The following ASTN2 variants were observed in gnomAD, a reference collection of about 807,000 sequenced individuals.
ASTN2 encodes astrotactin-2.
In ASTN2, 54 loss-of-function variants were observed where a neutral mutation model predicts 139.8. That is an observed-to-expected ratio of 0.39 (90% CI 0.31 to 0.48). ASTN2 has a LOEUF of 0.48. ASTN2 is among the 20% of genes least tolerant of loss of function. The pLI, the probability that ASTN2 is intolerant of heterozygous loss-of-function variation, is 0.95. For synonymous variants in ASTN2, 756 were observed against 719.5 expected (o/e 1.05, Z -0.81); for missense variants, 1,565 against 1,725.1 (o/e 0.91, Z 1.64).
chr9:117,371,780 C>T (rs1303595497), intron 1 of ASTN2, among the ~76,000 whole-genome samples: 1 of 151,998 alleles, frequency 6.6e-6, no homozygotes, highest in African/African-American at 2.4e-5. Context: ...ATTTAGGATG[C>T]TAAATTAAGG....
At chr9:117,222,761 A>G (rs1832568187) in intron 2 of ASTN2, among the ~76,000 whole-genome samples, 1 of 152,112 alleles carries the variant, frequency 6.6e-6, no homozygotes, top group Non-Finnish European at 1.5e-5. Flanking sequence ...CTGCACTCCC[A>G]CAGCGCTTCG....
chr9:117,215,723 C>A (rs922042809), intron 2 of ASTN2, among the ~76,000 whole-genome samples: 3 of 152,110 alleles, frequency 2.0e-5, no homozygotes, highest in Non-Finnish European at 4.4e-5. Flanking sequence ...GGCCTCCCCT[C>A]AATTGTTCTG....
At chr9:116,772,371 C>A (rs1370249706) in intron 13 of ASTN2, among the ~76,000 whole-genome samples, 2 of 152,158 alleles carry the variant, frequency 1.3e-5, no homozygotes, top group East Asian at 3.9e-4. Context: ...TGCCTGCCAC[C>A]ATGTAAGACG....
chr9:116,984,631 A>C (rs984684024), intron 7 of ASTN2, among the ~76,000 whole-genome samples: 3 of 152,206 alleles, frequency 2.0e-5, no homozygotes, highest in African/African-American at 4.8e-5. Flanking sequence ...GGAGAGACTA[A>C]AGTAAGAGGG....
intron 17 of ASTN2, among the ~76,000 whole-genome samples, chr9:116,646,435 A>G (rs1463781019): frequency 6.6e-6 from 1 of 152,164 alleles, no homozygotes; most frequent in Admixed American, 6.6e-5. Context: ...TGGAAAAGTC[A>G]TGGGAGGAAG....
chr9:116,489,602 G>A (rs1335333443), intron 19 of ASTN2, among the ~76,000 whole-genome samples: 4 of 152,186 alleles, frequency 2.6e-5, no homozygotes, highest in South Asian at 2.1e-4. Context: ...TTATAGGCAT[G>A]AGTCACTGTG....
intron 10 of ASTN2, among the ~76,000 whole-genome samples, chr9:116,873,336 C>A (rs987198841): frequency 1.3e-5 from 2 of 152,200 alleles, no homozygotes; most frequent in Non-Finnish European, 2.9e-5. Flanking sequence ...TGAGGTGGCA[C>A]AAGCCACAGG....
intron 13 of ASTN2, among the ~76,000 whole-genome samples, chr9:116,766,484 C>T (rs1047565316): frequency 6.6e-6 from 1 of 151,698 alleles, no homozygotes; most frequent in Non-Finnish European, 1.5e-5. Context: ...ACATCACACA[C>T]ACAAGCACAC....
intron 12 of ASTN2, among the ~76,000 whole-genome samples, chr9:116,819,369 A>ATACCCTAAT (rs1468406458): frequency 6.6e-6 from 1 of 152,156 alleles, no homozygotes; most frequent in Non-Finnish European, 1.5e-5. Flanking sequence ...TCAGGTCTGC[A>ATACCCTAAT]TACCCTAATT....
At position 117,300,371 on chromosome 9, in the gene ASTN2, T is replaced by C. The variant is rs115297202; in HGVS notation, c.443-8858A>G. Reference sequence around the variant, plus strand: ...GATGCCTGTCTAGGACATTACAGTCTTCATTATTTAGCATGCTGCAGGTGT... The same window carrying C: ...GATGCCTGTCTAGGACATTACAGTCCTCATTATTTAGCATGCTGCAGGTGT... On this transcript the variant is annotated intron_variant, in intron 1 of 22. Coordinates refer to ENST00000313400, the MANE Select transcript of ASTN2 (RefSeq NM_001365068.1). Among the ~76,000 whole-genome samples, 1,249 of 152,338 alleles carry C rather than the reference T, an allele frequency of 8.2e-3. 14 individuals are homozygous for C. Among genetic ancestry groups the C allele is most frequent in the African/African-American group, 0.028 (1,171 of 41,574 alleles).
At chr9:116,593,420 T>C (rs1473449034) in intron 19 of ASTN2, among the ~76,000 whole-genome samples, 2 of 152,248 alleles carry the variant, frequency 1.3e-5, no homozygotes, top group African/African-American at 4.8e-5. Flanking sequence ...ATTCTCCACA[T>C]GTATGTTAAA....
intron 22 of ASTN2, among the ~76,000 whole-genome samples, chr9:116,435,927 A>G (rs1346112330): frequency 6.6e-6 from 1 of 152,082 alleles, no homozygotes; most frequent in Non-Finnish European, 1.5e-5. Context: ...TCAATTTGGA[A>G]TGTAACAAGT....
At chr9:116,671,568 T>G (rs1188219502) in intron 16 of ASTN2, among the ~76,000 whole-genome samples, 1 of 152,166 alleles carries the variant, frequency 6.6e-6, no homozygotes, top group Non-Finnish European at 1.5e-5. Context: ...TCATATTTAC[T>G]ACCTCCTCCA....
intron 2 of ASTN2, among the ~76,000 whole-genome samples, chr9:117,223,296 G>T (rs545185214): frequency 6.6e-6 from 1 of 152,274 alleles, no homozygotes; most frequent in East Asian, 1.9e-4. Context: ...CAACTTAGGG[G>T]AGAGAGTACT....
At chr9:117,055,493 C>T (rs988948954) in intron 5 of ASTN2, among the ~76,000 whole-genome samples, 1 of 152,074 alleles carries the variant, frequency 6.6e-6, no homozygotes, top group Non-Finnish European at 1.5e-5. Flanking sequence ...ATTTAAAAAA[C>T]ATAAAAAAAG....
At chr9:117,072,987 A>G (rs1217540772) in intron 5 of ASTN2, among the ~76,000 whole-genome samples, 2 of 152,182 alleles carry the variant, frequency 1.3e-5, no homozygotes. Flanking sequence ...AAGAGAGATC[A>G]AGAAGATATC....
intron 3 of ASTN2, among the ~76,000 whole-genome samples, chr9:117,185,863 T>C (rs1831183279): frequency 1.3e-5 from 2 of 152,270 alleles, no homozygotes; most frequent in Admixed American, 1.3e-4. Flanking sequence ...CAGAGCTACT[T>C]GAGGCAGAAT....
In ASTN2 at chr9:116,632,144, G is replaced by GAGAGAGAC. The variant is rs1554723244; in HGVS notation, c.3073-11702_3073-11701insGTCTCTCT. ...AAGAAAAAGAAGAGAGAGAGAGAGA[G>GAGAGAGAC]AGAGAGAGAGAGACAGAGAGAGAGA... On this transcript the variant is annotated intron_variant, in intron 17 of 22. Coordinates refer to ENST00000313400, the MANE Select transcript of ASTN2 (RefSeq NM_001365068.1). 1.1e-3 allele frequency among the ~76,000 whole-genome samples: 87 copies of GAGAGAGAC among 76,812 alleles called. 3 individuals are homozygous for GAGAGAGAC. Among genetic ancestry groups the GAGAGAGAC allele is most frequent in the Admixed American group, 8.0e-3 (52 of 6,516 alleles). The allele number at this position is 76,812 out of a possible 152,430, so 50.4% of individuals were successfully genotyped here.
chr9:116,597,165 T>TA (rs1358015427), intron 19 of ASTN2, among the ~76,000 whole-genome samples: 1 of 152,130 alleles, frequency 6.6e-6, no homozygotes, highest in African/African-American at 2.4e-5. Context: ...TTGGTACCCT[T>TA]TCCAGAGGTA....
Sources: gnomAD v4.1 joint callset for allele counts (sites outside exome capture counted in the v4.1 genomes callset) on GRCh38, gnomAD v4.1.1 for gene constraint, MANE v1.5 for transcripts, NCBI Gene and HGNC (gene_info 2026-07-23, HGNC 2026-07-21) for gene names.